KATNAL1: variants seen among roughly 807,000 people sequenced by gnomAD.
The protein encoded by KATNAL1 is katanin catalytic subunit A1 like 1, also known as katanin p60 ATPase-containing subunit A-like 1.
A neutral mutation model predicts 55.2 loss-of-function variants in KATNAL1; 32 were observed. That is an observed-to-expected ratio of 0.58 (90% CI 0.44 to 0.78). KATNAL1 has a LOEUF of 0.78. KATNAL1 is among the 30% of genes least tolerant of loss of function. KATNAL1 has a pLI of 0.00. For missense variants in KATNAL1, 466 were observed against 600.9 expected, an observed-to-expected ratio of 0.78 and a Z score of 2.35; for synonymous variants, 193 against 193.6, an observed-to-expected ratio of 1.00 and a Z score of 0.02.
At chr13:30,234,590 T>C (rs1876466661) in intron 6 of KATNAL1, among the ~76,000 whole-genome samples, 1 of 152,112 alleles carries the variant, frequency 6.6e-6, no homozygotes, top group African/African-American at 2.4e-5. Context: ...TTCTAAACCT[T>C]TCCCTTTACA....
chr13:30,286,685 G>A (rs1881809979), intron 1 of KATNAL1, among the ~76,000 whole-genome samples: 1 of 152,174 alleles, frequency 6.6e-6, no homozygotes, highest in African/African-American at 2.4e-5. Flanking sequence ...TAAGAAGAGG[G>A]CCACCATCCT....
rs555654202 is a variant in KATNAL1 at position 30,240,248 on chromosome 13, C to T, written c.726+212G>A. ...ATCCCTGAGTGAAGTGACCTAAAGA[C>T]TATATAGTTTCAACACTCCAAGCCC... On this transcript the variant is annotated intron_variant, in intron 6 of 10. Coordinates refer to ENST00000380615, the MANE Select transcript of KATNAL1 (RefSeq NM_032116.5). Among the ~76,000 whole-genome samples the T allele has an allele frequency of 4.6e-5, 7 of 152,274 alleles. No homozygotes were observed. In the South Asian group the frequency reaches 1.4e-3, roughly 32 times the overall value.
intron 9 of KATNAL1, among the ~76,000 whole-genome samples, chr13:30,221,982 C>T (rs1566089105): frequency 2.0e-5 from 3 of 152,076 alleles, no homozygotes; most frequent in Non-Finnish European, 2.9e-5. Context: ...ACCCAGGAGG[C>T]GGAGGTTGCA....
At chr13:30,256,104 A>T (rs117270433) in intron 3 of KATNAL1, among the ~76,000 whole-genome samples, 3,251 of 152,336 alleles carry the variant, frequency 0.021, 45 homozygotes, top group Non-Finnish European at 0.033. Context: ...ATAATGGAAA[A>T]TTAAACATTT....
intron 1 of KATNAL1, among the ~76,000 whole-genome samples, chr13:30,293,790 CA>C (rs1313218153): frequency 2.0e-5 from 3 of 152,188 alleles, no homozygotes; most frequent in Non-Finnish European, 4.4e-5. Flanking sequence ...CCATTTTTTA[CA>C]ATTTGAAGAT....
chr13:30,213,683 T>C (rs1467413620), intron 9 of KATNAL1, among the ~76,000 whole-genome samples: 1 of 152,008 alleles, frequency 6.6e-6, no homozygotes, highest in Non-Finnish European at 1.5e-5. Flanking sequence ...CACATGATTA[T>C]CTCAATAGAT....
intron 3 of KATNAL1, among the ~76,000 whole-genome samples, chr13:30,268,681 A>T (rs1879972082): frequency 6.6e-6 from 1 of 152,202 alleles, no homozygotes; most frequent in Non-Finnish European, 1.5e-5. Context: ...GAAAATACAG[A>T]TATTTTGAGA....
chr13:30,293,569 T>G (rs1268072696), intron 1 of KATNAL1, among the ~76,000 whole-genome samples: 1 of 152,206 alleles, frequency 6.6e-6, no homozygotes, highest in Non-Finnish European at 1.5e-5. Flanking sequence ...TAATTTTAAG[T>G]GTACAGTTGA....
intron 1 of KATNAL1, among the ~76,000 whole-genome samples, chr13:30,287,884 C>T (rs552424154): frequency 1.3e-5 from 2 of 152,208 alleles, no homozygotes; most frequent in Admixed American, 6.5e-5. Context: ...ATATTTTAGG[C>T]TTTGACAGCT....
intron 9 of KATNAL1, among the ~76,000 whole-genome samples, chr13:30,226,484 GA>G (rs2137383832): frequency 6.6e-6 from 1 of 152,296 alleles, no homozygotes; most frequent in South Asian, 2.1e-4. Context: ...CAGACACAGT[GA>G]GTACATGCAG....
At chr13:30,282,964 A>C (rs1357351728) in intron 2 of KATNAL1, among the ~76,000 whole-genome samples, 1 of 148,778 alleles carries the variant, frequency 6.7e-6, no homozygotes, top group East Asian at 2.0e-4. Context: ...CAAAAAAAAA[A>C]AGAAAAAAAA....
At position 30,305,034 on chromosome 13, in the gene KATNAL1, G is replaced by GT. The variant is rs11403777; in HGVS notation, c.-15+2296dup. Among the ~76,000 whole-genome samples the GT allele has an allele frequency of 2.0e-3, 300 of 152,134 alleles. 3 individuals carry two copies. The highest frequency in any genetic ancestry group is 0.013 in the Admixed American group (205 of 15,288). On this transcript the variant is annotated intron_variant, in intron 1 of 10. Transcript: ENST00000380615. Reference sequence around the variant, plus strand: ...TCTCTTCACTTCTCTACTGGACTTTGTTTTTTTCTATTATACAACTGGCTT... The same window carrying GT: ...TCTCTTCACTTCTCTACTGGACTTTGTTTTTTTTCTATTATACAACTGGCTT...
chr13:30,232,208 TTAAA>T (rs1288209626), intron 6 of KATNAL1, among the ~76,000 whole-genome samples: 2 of 152,324 alleles, frequency 1.3e-5, no homozygotes, highest in East Asian at 1.9e-4. Context: ...TAATGGGTTC[TTAAA>T]TAATTATTTT....
At chr13:30,208,789 C>A (rs752653232) in intron 10 of KATNAL1, 51 bp from the exon 11 acceptor site, 1 of 1,224,710 alleles carries the variant, frequency 8.2e-7, no homozygotes, top group South Asian at 1.5e-5. Context: ...ATGTTTTAAA[C>A]ACTTTCAATT....
intron 9 of KATNAL1, among the ~76,000 whole-genome samples, chr13:30,220,856 C>T (rs73163464): frequency 0.064 from 9,799 of 152,064 alleles, 370 homozygotes; most frequent in African/African-American, 0.097. Context: ...CCTGCTACCA[C>T]GTCTGGCTAA....
At chr13:30,256,968 A>T (rs1205439871) in intron 3 of KATNAL1, among the ~76,000 whole-genome samples, 1 of 152,244 alleles carries the variant, frequency 6.6e-6, no homozygotes, top group Non-Finnish European at 1.5e-5. Context: ...AGAAATCCTC[A>T]GGAAAGCAAC....
intron 2 of KATNAL1, among the ~76,000 whole-genome samples, chr13:30,282,034 T>TA (rs57103799): frequency 0.045 from 6,779 of 149,148 alleles, 179 homozygotes; most frequent in African/African-American, 0.08. Context: ...GTATTATTTG[T>TA]AAAAAAAAAA....
At chr13:30,273,882 G>A (rs111251563) in intron 3 of KATNAL1, among the ~76,000 whole-genome samples, 3,043 of 152,146 alleles carry the variant, frequency 0.02, 101 homozygotes, top group African/African-American at 0.069. Context: ...GATATTATCT[G>A]CTCCAATTTT....
chr13:30,240,563 T>TGA lies in KATNAL1; in HGVS notation c.622_623insTC (p.Asp208ValfsTer4). On this transcript the variant is annotated frameshift_variant and splice_region_variant, in exon 6 of 11. Transcript: ENST00000380615. LOFTEE classifies it high-confidence loss of function. ...AGCTTCTTCCAGATCTGCTATGTCA[T>TGA]CCCTTTGAAAGAACAGCAAACTTTC... 1 of 1,608,188 alleles carries TGA rather than the reference T, an allele frequency of 6.2e-7. No individual in the cohort carries two copies. Among genetic ancestry groups the TGA allele is most frequent in the Non-Finnish European group, 8.5e-7 (1 of 1,175,040 alleles).
Sources: allele counts gnomAD v4.1 joint callset (sites outside exome capture counted in the v4.1 genomes callset), GRCh38; gene constraint gnomAD v4.1.1; transcripts MANE v1.5; gene names NCBI Gene and HGNC (gene_info 2026-07-23, HGNC 2026-07-21).